The following NECTIN2 variants were observed in gnomAD, a reference collection of about 807,000 sequenced individuals.
NECTIN2 encodes nectin-2.
In NECTIN2, 23 loss-of-function variants were observed where a neutral mutation model predicts 56.9. The ratio of observed to expected loss-of-function variants is 0.40; its 90% CI spans 0.29 to 0.57. The LOEUF (loss-of-function observed/expected upper bound fraction) is 0.57, where lower values mean the gene tolerates loss of function less well. Ranked by LOEUF, NECTIN2 falls within the 20% of genes least tolerant of loss-of-function variation. The pLI is 0.38. For synonymous variants in NECTIN2, 302 were observed against 313.8 expected (o/e 0.96, Z 0.40); for missense variants, 587 against 718.3 (o/e 0.82, Z 2.09).
At chr19:44,851,896 C>T (rs1358291182) in intron 1 of NECTIN2, among the ~76,000 whole-genome samples, 1 of 152,166 alleles carries the variant, frequency 6.6e-6, no homozygotes, top group Non-Finnish European at 1.5e-5. Flanking sequence ...GTCTGGGCAG[C>T]GGCCCTCACC....
chr19:44,865,201 G>T lies in NECTIN2; in HGVS notation c.89-70G>T. 1 of 1,469,650 alleles carries T rather than the reference G, an allele frequency of 6.8e-7. No individual in the cohort carries two copies. The highest frequency in any genetic ancestry group is 2.2e-5 in the Admixed American group (1 of 45,864). The allele number at this position is 1,469,650 out of a possible 1,614,324, so 91.0% of individuals were successfully genotyped here. ...CATTTCCCGTGGGGCCCCCTTCGTG[G>T]TGGCCCTGCCTGGAGGTGTCTGGGT... On this transcript the variant is annotated intron_variant, in intron 1 of 8. Coordinates refer to ENST00000252483, the MANE Select transcript of NECTIN2 (RefSeq NM_001042724.2). This position sits in a 1 kb window ranked among gnomAD's most constrained non-coding sequence, Gnocchi z 5.2.
intron 2 of NECTIN2, among the ~76,000 whole-genome samples, chr19:44,871,531 AAAAT>A (rs1336022080): frequency 6.6e-5 from 10 of 152,226 alleles, no homozygotes; most frequent in Non-Finnish European, 1.2e-4. Flanking sequence ...CTGTCTCTAA[AAAAT>A]AAATAAAGTA....
chr19:44,881,885 T>C (rs2122709096), intron 5 of NECTIN2: 1 of 197,198 alleles, frequency 5.1e-6, no homozygotes, highest in African/African-American at 2.3e-5. Context: ...CCGCACTGTA[T>C]ATTTTTGTAT....
At chr19:44,864,975 T>C (rs1014313018) in intron 1 of NECTIN2, among the ~76,000 whole-genome samples, 1 of 152,116 alleles carries the variant, frequency 6.6e-6, no homozygotes. Context: ...CTGGGAAAAA[T>C]AGTGTGTGCA....
chr19:44,874,550 G>A lies in NECTIN2; in HGVS notation c.1042+72G>A. On this transcript the variant is annotated intron_variant, in intron 5 of 8. Coordinates refer to ENST00000252483, the MANE Select transcript of NECTIN2 (RefSeq NM_001042724.2). The surrounding 1 kb of genome is among the most constrained non-coding windows in gnomAD (Gnocchi z 6.3). ...CTGGAGTTCTGCCCTTCAGGACTTG[G>A]GGCTGCACTGGGGGAGGCTGCGCCG... is the stretch of plus-strand genomic sequence containing the variant. 6.3e-7 allele frequency: 1 copy of A among 1,576,006 alleles called. No individual in the cohort carries two copies. The highest frequency in any genetic ancestry group is 8.6e-7 in the Non-Finnish European group (1 of 1,159,440).
chr19:44,886,312 A>G lies in NECTIN2; in HGVS notation c.1347+93A>G, dbSNP rs377471516. The G allele has an allele frequency of 2.7e-4, 277 of 1,036,426 alleles. 1 individual carries two copies. The East Asian group carries it at 6.0e-3, about 22-fold the overall frequency. 64.2% of individuals were successfully genotyped at this position (1,036,426 alleles called of 1,614,324 possible). A position where few individuals can be genotyped will look rare whatever the true frequency, so the allele number is the denominator to read the frequency against. On this transcript the variant is annotated intron_variant, in intron 8 of 8. Transcript: ENST00000252483. ...CAAAAGAGGTCAAAGACTAAAGGTC[A>G]TAACTCAAGGTCAAGGGTGTGTCCC...
At chr19:44,886,365 G>A in intron 8 of NECTIN2, 146 bp downstream of exon 8, 1 of 635,364 alleles carries the variant, frequency 1.6e-6, no homozygotes. Context: ...ATTGAGATGT[G>A]TTCAGGATTC....
chr19:44,881,106 A>T (rs896855494), intron 5 of NECTIN2, among the ~76,000 whole-genome samples: 7 of 151,274 alleles, frequency 4.6e-5, no homozygotes, highest in Non-Finnish European at 7.4e-5. Context: ...TTTTTTCTAG[A>T]GATGAGGTCT....
chr19:44,887,330 C>G (rs1232671079), intron 8 of NECTIN2, among the ~76,000 whole-genome samples: 1 of 151,148 alleles, frequency 6.6e-6, no homozygotes, highest in African/African-American at 2.4e-5. Context: ...GCCTAGGCAA[C>G]AGAGCAAGAC....
rs1228529893 is a variant in NECTIN2, at chr19:44,874,497, C to T, written c.1042+19C>T. 2 of 1,611,198 alleles carry T rather than the reference C, an allele frequency of 1.2e-6. No homozygotes were observed. Among genetic ancestry groups the T allele is most frequent in the Non-Finnish European group, 1.7e-6 (2 of 1,179,904 alleles). ...GTCCGAGGTGAGTGGGTCTTGGGGGCCGTGTGTGGAGACCTGGGTCCGCTC... is the reference window on the plus strand; with the variant it reads ...GTCCGAGGTGAGTGGGTCTTGGGGGTCGTGTGTGGAGACCTGGGTCCGCTC... On this transcript the variant is annotated intron_variant, in intron 5 of 8. Coordinates refer to ENST00000252483, the MANE Select transcript of NECTIN2 (RefSeq NM_001042724.2). This position sits in a 1 kb window ranked among gnomAD's most constrained non-coding sequence, Gnocchi z 6.3.
At chr19:44,882,031 C>T (rs568231339) in intron 5 of NECTIN2, 180 bp from the exon 6 acceptor site, 28 of 446,658 alleles carry the variant, frequency 6.3e-5, no homozygotes, top group South Asian at 2.1e-4. Flanking sequence ...ATCTCCCATG[C>T]GGGGCACACA....
chr19:44,886,259 G>A (rs1391896345), intron 8 of NECTIN2, 40 bp downstream of exon 8: 1 of 1,526,720 alleles, frequency 6.5e-7, no homozygotes, highest in Non-Finnish European at 9.1e-7. Context: ...TTGGGGGTCT[G>A]GGTTGAAGGG....
rs1968836431 is a variant in NECTIN2, at chr19:44,846,555, G to C, written c.30G>C (p.Ser10=). ...CCCGGGCCGCTGCCCTCCTGCCGTCGAGATCGCCGCCGACGCCGCTGCTGT... is the reference window on the plus strand; with the variant it reads ...CCCGGGCCGCTGCCCTCCTGCCGTCCAGATCGCCGCCGACGCCGCTGCTGT... MARAAALLP[S]RSPPTPLLWP... Residue 10 remains serine (S), a synonymous_variant, in exon 1 of 9, where the codon TCG becomes TCC. Coordinates refer to ENST00000252483, the MANE Select transcript of NECTIN2 (RefSeq NM_001042724.2). The C allele has an allele frequency of 6.6e-7, 1 of 1,522,964 alleles. No homozygotes were observed. Among genetic ancestry groups the C allele is most frequent in the East Asian group, 2.6e-5 (1 of 38,924 alleles). 94.3% of individuals were successfully genotyped at this position (1,522,964 alleles called of 1,614,324 possible).
At chr19:44,882,931 A>C (rs1488620648) in intron 6 of NECTIN2, among the ~76,000 whole-genome samples, 1 of 151,254 alleles carries the variant, frequency 6.6e-6, no homozygotes, top group Non-Finnish European at 1.5e-5. Context: ...ACAGGCGCCC[A>C]CCACCATGCC....
chr19:44,848,642 G>A (rs1364015169), intron 1 of NECTIN2, among the ~76,000 whole-genome samples: 2 of 151,134 alleles, frequency 1.3e-5, no homozygotes, highest in Non-Finnish European at 3.0e-5. Context: ...CCACTGGCTG[G>A]CCGGCTGGCA....
At chr19:44,877,454 C>T (rs1969252516) in intron 5 of NECTIN2, among the ~76,000 whole-genome samples, 1 of 152,212 alleles carries the variant, frequency 6.6e-6, no homozygotes, top group Admixed American at 6.5e-5. Flanking sequence ...CCATCCCCAC[C>T]TGCTCAGCCC....
At chr19:44,886,087 G>C (rs377057682) in intron 7 of NECTIN2, 46 bp from the exon 8 acceptor site, 18 of 1,575,466 alleles carry the variant, frequency 1.1e-5, no homozygotes, top group Non-Finnish European at 1.5e-5. Flanking sequence ...AAGCTGGCTG[G>C]GTGGTGGGGG....
chr19:44,880,136 T>C (rs561163508), intron 5 of NECTIN2, among the ~76,000 whole-genome samples: 2 of 152,292 alleles, frequency 1.3e-5, no homozygotes, highest in African/African-American at 4.8e-5. Context: ...CCACGGGCCC[T>C]TCCATACTTG....
chr19:44,859,011 C>A (rs987089171), intron 1 of NECTIN2, among the ~76,000 whole-genome samples: 3 of 152,200 alleles, frequency 2.0e-5, no homozygotes, highest in East Asian at 3.8e-4. Context: ...CAAAGATCCT[C>A]GGCCTGTCCC....
Sources: gnomAD v4.1 joint callset for allele counts (sites outside exome capture counted in the v4.1 genomes callset) on GRCh38, gnomAD v4.1.1 for gene constraint, Gnocchi (gnomAD v3.1) non-coding constraint, MANE v1.5 for transcripts, NCBI Gene and HGNC (gene_info 2026-07-23, HGNC 2026-07-21) for gene names.